Variants in KCNG2 observed in about 807,000 individuals in gnomAD.
KCNG2 encodes voltage-gated potassium channel regulatory subunit KCNG2.
In KCNG2, 7 loss-of-function variants were observed where a neutral mutation model predicts 12.3. The ratio of observed to expected loss-of-function variants is 0.57; its 90% CI spans 0.32 to 1.07. The LOEUF (loss-of-function observed/expected upper bound fraction) is 1.07, where lower values mean the gene tolerates loss of function less well. Ranked by LOEUF, KCNG2 falls within the 50% of genes least tolerant of loss-of-function variation. The probability of loss-of-function intolerance (pLI) is 0.04; values close to 1 mark genes in which losing one functional copy is unlikely to be tolerated. For synonymous variants in KCNG2, 414 were observed against 351.4 expected, an observed-to-expected ratio of 1.18 and a Z score of -1.99; for missense variants, 703 against 726.0, an observed-to-expected ratio of 0.97 and a Z score of 0.36.
At chr18:79,832,009 A>G (rs972394839) in intron 1 of KCNG2, among the ~76,000 whole-genome samples, 1 of 152,188 alleles carries the variant, frequency 6.6e-6, no homozygotes, top group African/African-American at 2.4e-5. Context: ...GGCTGGGTGG[A>G]TGCCCACCAG....
chr18:79,810,535 G>A (rs760111619), intron 1 of KCNG2, among the ~76,000 whole-genome samples: 13 of 152,214 alleles, frequency 8.5e-5, no homozygotes, highest in Non-Finnish European at 1.3e-4. Flanking sequence ...CACTGTGGGA[G>A]GCTAAGGTGG....
At chr18:79,829,776 A>C (rs112040758) in intron 1 of KCNG2, among the ~76,000 whole-genome samples, 1 of 152,176 alleles carries the variant, frequency 6.6e-6, no homozygotes, top group East Asian at 1.9e-4. Flanking sequence ...GCTCACACCC[A>C]GGGCAGCCTG....
chr18:79,807,687 G>A (rs141249769), intron 1 of KCNG2, among the ~76,000 whole-genome samples: 1 of 152,192 alleles, frequency 6.6e-6, no homozygotes, highest in Non-Finnish European at 1.5e-5. Flanking sequence ...CCTCAGCCTC[G>A]GCCCCAGAGT....
chr18:79,890,303 T>C (rs982253642), intron 3 of KCNG2, among the ~76,000 whole-genome samples: 10 of 152,146 alleles, frequency 6.6e-5, no homozygotes, highest in African/African-American at 1.9e-4. Context: ...ATGAATAAAA[T>C]TTTTTTAATT....
In KCNG2 at chr18:79,863,775, G is replaced by A. The variant is rs1220997274; in HGVS notation, c.108G>A (p.Ala36=). 16 of 1,272,064 alleles carry A rather than the reference G, an allele frequency of 1.3e-5. No individual in the cohort carries two copies. Among genetic ancestry groups the A allele is most frequent in the East Asian group, 7.2e-5 (2 of 27,678 alleles). The allele number at this position is 1,272,064 out of a possible 1,614,324, so 78.8% of individuals were successfully genotyped here. The change falls in exon 3 of 4, where the codon GCG becomes GCA. Residue 36 remains alanine (A), a synonymous_variant. Coordinates refer to ENST00000316249, the MANE Select transcript of KCNG2 (RefSeq NM_012283.2). Reference sequence around the variant, plus strand: ...TGCGCCTGGCATGGGCCGCGCTGGCGCGATGCCCCCTCGCGCGCCTGGAGC... The same window carrying A: ...TGCGCCTGGCATGGGCCGCGCTGGCACGATGCCCCCTCGCGCGCCTGGAGC... ...CRVRLAWAAL[A]RCPLARLERL...
chr18:79,823,731 T>A (rs1029139901), intron 1 of KCNG2, among the ~76,000 whole-genome samples: 2 of 152,164 alleles, frequency 1.3e-5, no homozygotes, highest in Non-Finnish European at 2.9e-5. Context: ...TGTGCCCAGC[T>A]CTTTATGCAC....
At chr18:79,871,313 A>G (rs8096292) in intron 3 of KCNG2, among the ~76,000 whole-genome samples, 1 of 152,150 alleles carries the variant, frequency 6.6e-6, no homozygotes, top group African/African-American at 2.4e-5. Flanking sequence ...GGAGCCCTGA[A>G]CGGCCTCATG....
intron 1 of KCNG2, among the ~76,000 whole-genome samples, chr18:79,802,333 C>G (rs1288615686): frequency 1.3e-5 from 2 of 152,222 alleles, no homozygotes; most frequent in African/African-American, 4.8e-5. Flanking sequence ...CAGTGAAGGT[C>G]GGCTCTCCCA....
At chr18:79,867,938 G>A (rs191357945) in intron 3 of KCNG2, among the ~76,000 whole-genome samples, 16 of 152,234 alleles carry the variant, frequency 1.1e-4, no homozygotes, top group Non-Finnish European at 8.8e-5. Flanking sequence ...CCTGCGGCCC[G>A]AGTGCCAATC....
Position 79,800,229 on chromosome 18 carries a change from G to A in KCNG2, c.-115+2215G>A, listed in dbSNP as rs1361136999. ...CCGGGAGGGGTGGTAGGGCCTGCAG[G>A]ACGAGGACACGCAGGGCATCCAGGG... On this transcript the variant is annotated intron_variant, in intron 1 of 3. Transcript: ENST00000316249. This position sits in a 1 kb window ranked among gnomAD's most constrained non-coding sequence, Gnocchi z 4.0. Among the ~76,000 whole-genome samples the A allele has an allele frequency of 6.6e-6, 1 of 152,184 alleles. No individual in the cohort carries two copies. The highest frequency in any genetic ancestry group is 2.4e-5 in the African/African-American group (1 of 41,442).
At chr18:79,813,736 A>G (rs2087508925) in intron 1 of KCNG2, among the ~76,000 whole-genome samples, 1 of 152,248 alleles carries the variant, frequency 6.6e-6, no homozygotes, top group Non-Finnish European at 1.5e-5. Context: ...TAACCCATAA[A>G]AAGTAAACTT....
intron 3 of KCNG2, among the ~76,000 whole-genome samples, chr18:79,868,781 C>T (rs1442085264): frequency 6.6e-6 from 1 of 152,202 alleles, no homozygotes; most frequent in Non-Finnish European, 1.5e-5. Context: ...AGTCCCAGCC[C>T]AGCTCAAGCC....
rs757502143 is a variant in KCNG2 at position 79,864,215 on chromosome 18, C to G, written c.548C>G (p.Ser183Cys). ...GCGGGCAAGCTCTTCGCCTGCGTGTCCGTGTCCTTCGTGGCCGTCACGGCC... is the reference window on the plus strand; with the variant it reads ...GCGGGCAAGCTCTTCGCCTGCGTGTGCGTGTCCTTCGTGGCCGTCACGGCC... Reference protein sequence around the residue: ...GLAGKLFACVSVSFVAVTAVG... With the variant: ...GLAGKLFACVCVSFVAVTAVG... The change falls in exon 3 of 4, where the codon TCC (serine) becomes TGC (cysteine). Residue 183 changes from serine (S) to cysteine (C), a missense_variant. By Grantham distance (112) the Ser-to-Cys change is moderately radical. Transcript: ENST00000316249. The G allele has an allele frequency of 7.4e-5, 114 of 1,550,082 alleles. No homozygotes were observed. Among genetic ancestry groups the G allele is most frequent in the Middle Eastern group, 2.0e-4 (1 of 4,954 alleles).
At chr18:79,819,527 T>C (rs867364095) in intron 1 of KCNG2, among the ~76,000 whole-genome samples, 121 of 152,314 alleles carry the variant, frequency 7.9e-4, no homozygotes, top group African/African-American at 2.6e-3. Flanking sequence ...TCGGGCTGTG[T>C]TGGGCCTGGG....
At chr18:79,844,715 G>A (rs1978566003) in intron 1 of KCNG2, among the ~76,000 whole-genome samples, 2 of 152,230 alleles carry the variant, frequency 1.3e-5, no homozygotes, top group South Asian at 2.1e-4. Flanking sequence ...TCACCACACA[G>A]CTATGAGAAT....
In KCNG2 at chr18:79,896,549, A is replaced by G. The variant is rs558482396; in HGVS notation, c.625-2491A>G. On this transcript the variant is annotated intron_variant, in intron 3 of 3. Transcript: ENST00000316249. ...GCTTTTATTGGCAAATACATTGCAC[A>G]TATATTACATTTCTATATGATGCAA... Among the ~76,000 whole-genome samples, 202 of 152,326 alleles carry G rather than the reference A, an allele frequency of 1.3e-3. 2 individuals carry two copies. Among genetic ancestry groups the G allele is most frequent in the African/African-American group, 4.3e-3 (180 of 41,578 alleles).
chr18:79,835,891 A>G (rs900571103), intron 1 of KCNG2, among the ~76,000 whole-genome samples: 16 of 152,264 alleles, frequency 1.1e-4, no homozygotes, highest in African/African-American at 3.9e-4. Flanking sequence ...AGATACAAAA[A>G]ACACAAGAGA....
chr18:79,872,295 T>TTTTTTC (rs1979878741), intron 3 of KCNG2, among the ~76,000 whole-genome samples: 2 of 130,932 alleles, frequency 1.5e-5, no homozygotes, highest in Admixed American at 8.1e-5. Context: ...TTTTTTTTTT[T>TTTTTTC]TTTTTTTTGA....
chr18:79,892,879 C>T (rs537225496), intron 3 of KCNG2, among the ~76,000 whole-genome samples: 2 of 150,102 alleles, frequency 1.3e-5, no homozygotes, highest in East Asian at 4.0e-4. Context: ...TTCTTCACTC[C>T]ATTCACGTCT....
Sources: gnomAD v4.1 joint callset for allele counts (sites outside exome capture counted in the v4.1 genomes callset) on GRCh38, gnomAD v4.1.1 for gene constraint, Gnocchi (gnomAD v3.1) non-coding constraint, MANE v1.5 for transcripts, NCBI Gene and HGNC (gene_info 2026-07-23, HGNC 2026-07-21) for gene names.